The following CLSTN3 variants were observed in gnomAD, a reference collection of about 807,000 sequenced individuals.
CLSTN3 encodes calsyntenin-3.
In CLSTN3, 36 loss-of-function variants were observed where a neutral mutation model predicts 95.9. The observed-to-expected ratio is 0.38, with a 90% CI of 0.29 to 0.50. CLSTN3 has a LOEUF of 0.50. Ranked by LOEUF, CLSTN3 falls within the 20% of genes least tolerant of loss-of-function variation. The pLI is 0.95. For missense variants in CLSTN3, 1,084 were observed against 1,268.8 expected (o/e 0.85, Z 2.21); for synonymous variants, 481 against 504.0 (o/e 0.95, Z 0.61).
At position 7,157,531 on chromosome 12, in the gene CLSTN3, G is replaced by C. The variant is rs770519314; in HGVS notation, c.2570G>C (p.Gly857Ala). ...ACCCTCATCATTGTGGTGTGCGTGG[G>C]CTTCCTGGTGCTCATGGTCGTCCTG... The part of the protein sequence containing the change: ...AATLIIVVCV[G>A]FLVLMVVLGL... The change falls in exon 17 of 18, where the codon GGC (glycine) becomes GCC (alanine). Residue 857 changes from glycine to alanine, a missense_variant. Transcript: ENST00000266546. This position sits in a 1 kb window ranked among gnomAD's most constrained non-coding sequence, Gnocchi z 5.9. 13 of 1,609,054 alleles carry C rather than the reference G, an allele frequency of 8.1e-6. No individual in the cohort carries two copies. The highest frequency in any genetic ancestry group is 6.7e-5 in the East Asian group (3 of 44,844).
chr12:7,131,566 C>T (rs1226855007), intron 1 of CLSTN3, among the ~76,000 whole-genome samples: 1 of 151,896 alleles, frequency 6.6e-6, no homozygotes, highest in African/African-American at 2.4e-5. Context: ...AGGAGGAGCC[C>T]GGGAGCCTAG....
rs764913430 is a variant in CLSTN3, at chr12:7,133,730, C to T, written c.345C>T (p.Gly115=). 8.7e-6 allele frequency: 14 copies of T among 1,601,054 alleles called. No individual in the cohort carries two copies. Among genetic ancestry groups the T allele is most frequent in the Admixed American group, 3.5e-5 (2 of 56,550 alleles). The change falls in exon 3 of 18, where the codon GGC becomes GGT. Residue 115 remains glycine, a synonymous_variant. Coordinates refer to ENST00000266546, the MANE Select transcript of CLSTN3 (RefSeq NM_014718.4). The surrounding 1 kb of genome is among the most constrained non-coding windows in gnomAD (Gnocchi z 4.7). ...TCACCATCCAGGCCTATGACTGTGG[C>T]GAGGGCCCCGACGGGGCCAACACCA... ...HTFTIQAYDC[G]EGPDGANTKK... is the part of the protein sequence containing the mutation.
At chr12:7,147,210 C>A (rs1181720852) in intron 12 of CLSTN3, among the ~76,000 whole-genome samples, 2 of 151,556 alleles carry the variant, frequency 1.3e-5, no homozygotes, top group African/African-American at 4.8e-5. Flanking sequence ...AAACCCAGGC[C>A]CCAAATGGTG....
rs375184032 is a variant in CLSTN3 at position 7,136,228 on chromosome 12, T to C, written c.765T>C (p.Tyr255=). The change falls in exon 6 of 18, where the codon TAT becomes TAC. Residue 255 remains tyrosine, a synonymous_variant. Coordinates refer to ENST00000266546, the MANE Select transcript of CLSTN3 (RefSeq NM_014718.4). ...CAGGCTGGAACAAAAGGATCGAATA[T>C]GCACCAGGTGCTGGGAGCTTGGCTT... The part of the protein sequence containing the change: ...SWQGWNKRIE[Y]APGAGSLALF... The C allele has an allele frequency of 1.2e-5, 20 of 1,614,018 alleles. No homozygotes were observed. In the African/African-American group the frequency reaches 2.3e-4, roughly 18 times the overall value.
At chr12:7,143,846 G>A (rs759606007) in intron 12 of CLSTN3, among the ~76,000 whole-genome samples, 36 of 152,332 alleles carry the variant, frequency 2.4e-4, no homozygotes, top group Admixed American at 1.0e-3. Flanking sequence ...CATTGCATAT[G>A]TCTATGGCTA....
chr12:7,136,493 G>T, intron 6 of CLSTN3, 102 bp downstream of exon 6: 1 of 1,152,876 alleles, frequency 8.7e-7, no homozygotes. Context: ...GCCATCCACA[G>T]GTGTTTATCC....
chr12:7,153,087 C>CTTACT (rs1565654518), intron 16 of CLSTN3, among the ~76,000 whole-genome samples: 1 of 152,178 alleles, frequency 6.6e-6, no homozygotes, highest in Non-Finnish European at 1.5e-5. Context: ...TACACTGTCT[C>CTTACT]TTATTTTATT....
chr12:7,157,469 C>A lies in CLSTN3; in HGVS notation c.2528-20C>A, dbSNP rs770467748. ...GGTGTGCCTAGTCACGCTCTGCTCA[C>A]CCCCGCGCTCTCTCTGCAGTGATAC... On this transcript the variant is annotated intron_variant, in intron 16 of 17. Transcript: ENST00000266546. The surrounding 1 kb of genome is among the most constrained non-coding windows in gnomAD (Gnocchi z 5.9). 1.3e-6 allele frequency: 2 copies of A among 1,548,304 alleles called. No homozygotes were observed. The highest frequency in any genetic ancestry group is 1.2e-5 in the South Asian group (1 of 81,062).
At position 7,137,666 on chromosome 12, in the gene CLSTN3, A is replaced by G. The variant is rs985803595; in HGVS notation, c.1211-289A>G. ...TATGTATTAACCAAAGGACTGATGA[A>G]GAGCTGGTGATGGAGTGGGCCAGCT... On this transcript the variant is annotated intron_variant, in intron 7 of 17. Transcript: ENST00000266546. The surrounding 1 kb of genome is among the most constrained non-coding windows in gnomAD (Gnocchi z 4.4). Among the ~76,000 whole-genome samples the G allele has an allele frequency of 6.6e-6, 1 of 152,040 alleles. No homozygotes were observed. The highest frequency in any genetic ancestry group is 1.5e-5 in the Non-Finnish European group (1 of 68,006).
intron 1 of CLSTN3, chr12:7,131,879 G>A (rs775839642): frequency 4.4e-6 from 2 of 456,438 alleles, no homozygotes; most frequent in South Asian, 1.5e-5. Flanking sequence ...CTGGTGTGTG[G>A]TTGGAGGAAA....
chr12:7,153,993 C>T (rs542128973), intron 16 of CLSTN3, among the ~76,000 whole-genome samples: 8 of 152,270 alleles, frequency 5.3e-5, no homozygotes, highest in African/African-American at 1.7e-4. Flanking sequence ...TTGTTCTGAG[C>T]TCATGTCCAG....
At chr12:7,136,100 T>G (rs763162914) in intron 5 of CLSTN3, 106 bp from the exon 6 acceptor site, 173 of 1,506,738 alleles carry the variant, frequency 1.1e-4, no homozygotes, top group Non-Finnish European at 1.5e-4. Context: ...CGGGCCATCC[T>G]GCCAGGAGCC....
rs1939436603 is a variant in CLSTN3 at position 7,136,935 on chromosome 12, G to A, written c.1035G>A (p.Trp345Ter). Residue 345 changes from tryptophan to a stop codon, truncating the protein, a stop_gained, in exon 7 of 18, where the codon TGG becomes TGA. Transcript: ENST00000266546. LOFTEE classifies it high-confidence loss of function. The part of the protein sequence containing the change: ...HYSQDSSLIY[W>*]FNGTQAVQVP... ...GCCAGGACAGCAGCCTGATCTACTG[G>A]TTCAATGGCACCCAGGCTGTGCAGG... 6.2e-7 allele frequency: 1 copy of A among 1,614,190 alleles called. No individual in the cohort carries two copies. The highest frequency in any genetic ancestry group is 2.2e-5 in the East Asian group (1 of 44,870).
At chr12:7,144,310 A>G (rs2135806786) in intron 12 of CLSTN3, among the ~76,000 whole-genome samples, 1 of 152,226 alleles carries the variant, frequency 6.6e-6, no homozygotes, top group South Asian at 2.1e-4. Context: ...TAAAAGAAAA[A>G]TTGTAGATTA....
rs1301502184 is a variant in CLSTN3 at position 7,150,492 on chromosome 12, C to T, written c.2246-52C>T. The T allele has an allele frequency of 1.3e-6, 2 of 1,579,372 alleles. No homozygotes were observed. The highest frequency in any genetic ancestry group is 1.7e-6 in the Non-Finnish European group (2 of 1,157,116). The stretch of plus-strand genomic sequence containing the variant: ...TGGGAGTCCAGGAGAGAGGGTCCTG[C>T]CCAGGTCCTGCCTCCACTGGCCCCT... On this transcript the variant is annotated intron_variant, in intron 14 of 17. Transcript: ENST00000266546. This position sits in a 1 kb window ranked among gnomAD's most constrained non-coding sequence, Gnocchi z 4.0.
intron 6 of CLSTN3, 55 bp from the exon 7 acceptor site, chr12:7,136,774 T>C (rs1939431768): frequency 6.3e-7 from 1 of 1,592,694 alleles, no homozygotes; most frequent in East Asian, 2.2e-5. Flanking sequence ...TCCTGCCCTT[T>C]TCACCATCTG....
chr12:7,132,267 G>A lies in CLSTN3; in HGVS notation c.65-757G>A, dbSNP rs180991476. 2.0e-4 allele frequency: 47 copies of A among 238,788 alleles called. 1 individual carries two copies. Among genetic ancestry groups the A allele is most frequent in the African/African-American group, 1.1e-3 (46 of 43,766 alleles). 14.8% of individuals were successfully genotyped at this position (238,788 alleles called of 1,614,324 possible). On this transcript the variant is annotated intron_variant, in intron 1 of 17. Coordinates refer to ENST00000266546, the MANE Select transcript of CLSTN3 (RefSeq NM_014718.4). ...GGTCTTGTGGAGGACATAGAAATGT[G>A]TCGGTTTCGAATGTGTTCTCTTGGG...
intron 10 of CLSTN3, among the ~76,000 whole-genome samples, chr12:7,142,469 C>T (rs753503489): frequency 4.7e-4 from 72 of 152,078 alleles, no homozygotes; most frequent in Non-Finnish European, 8.1e-4. Flanking sequence ...CGCTCACATC[C>T]ATCCTGGTCT....
In CLSTN3 at chr12:7,142,676, C is replaced by T. The variant is rs578262573; in HGVS notation, c.1541-193C>T. Among the ~76,000 whole-genome samples the T allele has an allele frequency of 1.2e-3, 181 of 151,056 alleles. 1 individual carries two copies. Among genetic ancestry groups the T allele is most frequent in the South Asian group, 2.1e-3 (10 of 4,724 alleles). ...ATTTTCTCCCTTCTCTAGCCTCCCC[C>T]CTTACCTTCACTTCTCCCTCACCTC... On this transcript the variant is annotated intron_variant, in intron 10 of 17. Transcript: ENST00000266546.
Sources: allele counts gnomAD v4.1 joint callset (sites outside exome capture counted in the v4.1 genomes callset), GRCh38; gene constraint gnomAD v4.1.1; non-coding constraint Gnocchi (gnomAD v3.1); transcripts MANE v1.5; gene names NCBI Gene and HGNC (gene_info 2026-07-23, HGNC 2026-07-21).